Variants in SLC4A3 observed in about 807,000 individuals in gnomAD.
SLC4A3 encodes solute carrier family 4 member 3, also known as anion exchange protein 3.
Under a neutral mutation model 114.2 loss-of-function variants are expected in SLC4A3, and 47 were observed. The observed-to-expected ratio is 0.41, with a 90% CI of 0.33 to 0.52. The LOEUF is 0.52. Ranked by LOEUF, SLC4A3 falls within the 20% of genes least tolerant of loss-of-function variation. The pLI is 0.21. For missense variants in SLC4A3, 1,312 were observed against 1,668.3 expected (o/e 0.79, Z 3.72); for synonymous variants, 693 against 710.3 (o/e 0.98, Z 0.39).
chr2:219,628,599 C>T lies in SLC4A3; in HGVS notation c.217+29C>T, dbSNP rs769553269. The T allele has an allele frequency of 1.9e-6, 3 of 1,606,382 alleles. No individual in the cohort carries two copies. The highest frequency in any genetic ancestry group is 4.5e-5 in the East Asian group (2 of 44,824). ...GGTAGCCTGGGGACCCCTAGTGCGG[C>T]CGCCCTCGCCACCATCACCTTCATC... is the stretch of plus-strand genomic sequence containing the variant. On this transcript the variant is annotated intron_variant, in intron 3 of 22. Transcript: ENST00000358055. This position sits in a 1 kb window ranked among gnomAD's most constrained non-coding sequence, Gnocchi z 4.8.
chr2:219,629,983 G>T, intron 5 of SLC4A3, 170 bp from the exon 6 acceptor site: 1 of 1,351,058 alleles, frequency 7.4e-7, no homozygotes, highest in Non-Finnish European at 1.0e-6. Flanking sequence ...GTGGAGGAAA[G>T]GGGGAGCCAC....
In SLC4A3 at chr2:219,628,375, G is replaced by T; in HGVS notation, c.52-30G>T. On this transcript the variant is annotated intron_variant, in intron 2 of 22. Coordinates refer to ENST00000358055, the MANE Select transcript of SLC4A3 (RefSeq NM_005070.4). This position sits in a 1 kb window ranked among gnomAD's most constrained non-coding sequence, Gnocchi z 4.8. The stretch of plus-strand genomic sequence containing the variant: ...GGTGTGGGGCCTTCATGGGTCAGGG[G>T]TCCTTAGCAGAGGCCGTCTGGGCCT... 1 of 1,586,388 alleles carries T rather than the reference G, an allele frequency of 6.3e-7. No homozygotes were observed.
chr2:219,627,910 T>G lies in SLC4A3; in HGVS notation c.-83T>G, dbSNP rs1176427093. On this transcript the variant is annotated 5_prime_UTR_variant, in exon 2 of 23. Transcript: ENST00000358055. The stretch of plus-strand genomic sequence containing the variant: ...GCCCTCCTCCCCCAGGGCTCCCCGC[T>G]AGGCCCCCTCAGTGGCCCCTCCTTC... The G allele has an allele frequency of 1.1e-5, 13 of 1,140,272 alleles. No individual in the cohort carries two copies. In the African/African-American group the frequency reaches 1.3e-4, roughly 11 times the overall value. 70.6% of individuals were successfully genotyped at this position (1,140,272 alleles called of 1,614,324 possible). A position where few individuals can be genotyped will look rare whatever the true frequency, so the allele number is the denominator to read the frequency against.
In SLC4A3 at chr2:219,639,001, C is replaced by A. The variant is rs1049871190; in HGVS notation, c.3023+132C>A. The A allele has an allele frequency of 2.0e-6, 2 of 999,048 alleles. No homozygotes were observed. Among genetic ancestry groups the A allele is most frequent in the Admixed American group, 2.0e-5 (1 of 49,542 alleles). The allele number at this position is 999,048 out of a possible 1,614,324, so 61.9% of individuals were successfully genotyped here. ...TGGGTGGTGGGAGCTGGTGGCAATC[C>A]TTGAGGAAGAGAGTGTGTGTGGAGG... On this transcript the variant is annotated intron_variant, in intron 19 of 22. Coordinates refer to ENST00000358055, the MANE Select transcript of SLC4A3 (RefSeq NM_005070.4). This position sits in a 1 kb window ranked among gnomAD's most constrained non-coding sequence, Gnocchi z 5.9.
In SLC4A3 at chr2:219,631,841, C is replaced by A; in HGVS notation, c.812-127C>A. ...AATGGCCACATGGGATTATGTGGTTCCCGTCGGCATGGCCTGTTGGTGACT... is the reference window on the plus strand; with the variant it reads ...AATGGCCACATGGGATTATGTGGTTACCGTCGGCATGGCCTGTTGGTGACT... On this transcript the variant is annotated intron_variant, in intron 6 of 22. Transcript: ENST00000358055. This position sits in a 1 kb window ranked among gnomAD's most constrained non-coding sequence, Gnocchi z 6.3. The A allele has an allele frequency of 9.7e-7, 1 of 1,028,932 alleles. No individual in the cohort carries two copies. Among genetic ancestry groups the A allele is most frequent in the Non-Finnish European group, 1.4e-6 (1 of 697,504 alleles). The allele number at this position is 1,028,932 out of a possible 1,614,324, so 63.7% of individuals were successfully genotyped here.
chr2:219,637,645 A>T lies in SLC4A3; in HGVS notation c.2600A>T (p.Asp867Val), dbSNP rs635311. 10 of 1,612,944 alleles carry T rather than the reference A, an allele frequency of 6.2e-6. No individual in the cohort carries two copies. The highest frequency in any genetic ancestry group is 1.6e-4 in the Middle Eastern group (1 of 6,076). Residue 867 changes from aspartate to valine, a missense_variant, in exon 17 of 23, where the codon GAT (aspartate) becomes GTT (valine). Physicochemically the swap from Asp to Val is radical, Grantham distance 152. Transcript: ENST00000358055. The surrounding 1 kb of genome is among the most constrained non-coding windows in gnomAD (Gnocchi z 4.6). ...PPEGALEGSLDAGLEPNGSAL... is the reference protein window; with the variant it reads ...PPEGALEGSLVAGLEPNGSAL... ...GAGGGGGCCCTGGAGGGGTCCCTGG[A>T]TGCTGGTCTGGAGCCAAATGGCAGT...
Position 219,632,158 on chromosome 2 carries a change from C to T in SLC4A3, c.960+42C>T, listed in dbSNP as rs1335770937. 5.0e-6 allele frequency: 8 copies of T among 1,607,312 alleles called. No homozygotes were observed. The East Asian group carries it at 1.1e-4, about 22-fold the overall frequency. ...GGTGGGCCTGTGGCTTCCTCATGCC[C>T]CTCGGCCCCGGAGCCCTCCTCTCTT... On this transcript the variant is annotated intron_variant, in intron 7 of 22. Coordinates refer to ENST00000358055, the MANE Select transcript of SLC4A3 (RefSeq NM_005070.4).
chr2:219,632,112 A>C lies in SLC4A3; in HGVS notation c.956A>C (p.His319Pro). Residue 319 changes from histidine (H) to proline (P), a missense_variant, in exon 7 of 23, where the codon CAT becomes CCT. His to Pro is a moderately conservative substitution (Grantham distance 77). Around this residue, in one of 4 missense-constraint regions of SLC4A3, gnomAD observed 771 missense variants for 977.7 expected, o/e 0.79. Coordinates refer to ENST00000358055, the MANE Select transcript of SLC4A3 (RefSeq NM_005070.4). ...AAGAAAAAGCTGGACCGGAGGCCTC[A>C]TGAGGTCAGGATGCTGACTGGGTGG... The part of the protein sequence containing the change: ...KKKKKLDRRP[H>P]EVFVELNELM... 1 of 1,613,310 alleles carries C rather than the reference A, an allele frequency of 6.2e-7. No individual in the cohort carries two copies. Among genetic ancestry groups the C allele is most frequent in the Non-Finnish European group, 8.5e-7 (1 of 1,179,888 alleles).
At chr2:219,632,737 C>A in intron 8 of SLC4A3, 137 bp from the exon 9 acceptor site, 1 of 1,099,120 alleles carries the variant, frequency 9.1e-7, no homozygotes, top group Non-Finnish European at 1.3e-6. Context: ...CAATATGGAG[C>A]TGTGTATCCA....
chr2:219,640,938 C>T lies in SLC4A3; in HGVS notation c.3597C>T (p.Leu1199=). Residue 1199 remains leucine (L), a synonymous_variant, in exon 22 of 23, where the codon CTC becomes CTT. Coordinates refer to ENST00000358055, the MANE Select transcript of SLC4A3 (RefSeq NM_005070.4). ...TGAGGCATTGCCTTCTGCCCCGGCT[C>T]TTCCAGGACAGGGAGCTGCAGGCGG... ...VPLRHCLLPR[L]FQDRELQALD... The T allele has an allele frequency of 6.2e-7, 1 of 1,607,754 alleles. No individual in the cohort carries two copies. The highest frequency in any genetic ancestry group is 8.5e-7 in the Non-Finnish European group (1 of 1,179,998).
At position 219,628,782 on chromosome 2, in the gene SLC4A3, G is replaced by A; in HGVS notation, c.217+212G>A. On this transcript the variant is annotated intron_variant, in intron 3 of 22. Transcript: ENST00000358055. This position sits in a 1 kb window ranked among gnomAD's most constrained non-coding sequence, Gnocchi z 4.8. ...GCCTGGGGAGGTGGGCCCCAGACCA[G>A]GGGAGATCTAGGGAGCTGGGCCTGG... is the stretch of plus-strand genomic sequence containing the variant. 1.6e-6 allele frequency: 1 copy of A among 631,680 alleles called. No individual in the cohort carries two copies. Among genetic ancestry groups the A allele is most frequent in the South Asian group, 2.1e-5 (1 of 48,174 alleles). 39.1% of individuals were successfully genotyped at this position (631,680 alleles called of 1,614,324 possible).
Position 219,631,597 on chromosome 2 carries a change from G to C in SLC4A3, c.812-371G>C. ...ACGTGGGTGTTGAGATAGGGTGCAC[G>C]GAAAATGTTGGGGGCTCAGTGCCTG... On this transcript the variant is annotated intron_variant, in intron 6 of 22. Transcript: ENST00000358055. The surrounding 1 kb of genome is among the most constrained non-coding windows in gnomAD (Gnocchi z 6.3). 3 of 780,030 alleles carry C rather than the reference G, an allele frequency of 3.8e-6. No homozygotes were observed. The highest frequency in any genetic ancestry group is 1.8e-5 in the South Asian group (1 of 56,370). The allele number at this position is 780,030 out of a possible 1,614,324, so 48.3% of individuals were successfully genotyped here. A position where few individuals can be genotyped will look rare whatever the true frequency, so the allele number is the denominator to read the frequency against.
At chr2:219,629,822 G>C in intron 5 of SLC4A3, 127 bp downstream of exon 5, 1 of 500,696 alleles carries the variant, frequency 2.0e-6, no homozygotes, top group East Asian at 4.6e-5. Flanking sequence ...AGAGGAGCAG[G>C]GTGTGGGAGG....
rs1699315238 is a variant in SLC4A3 at position 219,641,212 on chromosome 2, T to C, written c.3621+250T>C. 6.6e-6 allele frequency among the ~76,000 whole-genome samples: 1 copy of C among 151,974 alleles called. No individual in the cohort carries two copies. Among genetic ancestry groups the C allele is most frequent in the Non-Finnish European group, 1.5e-5 (1 of 68,006 alleles). On this transcript the variant is annotated intron_variant, in intron 22 of 22. Transcript: ENST00000358055. This position sits in a 1 kb window ranked among gnomAD's most constrained non-coding sequence, Gnocchi z 4.0. ...TTAGGATGGTGGTTTTGTAAGGGAG[T>C]TGGCACGGGGCTGCTGCACACAGCT...
chr2:219,641,827 C>A lies in SLC4A3; in HGVS notation c.*99C>A. 1.0e-6 allele frequency: 1 copy of A among 974,666 alleles called. No homozygotes were observed. The highest frequency in any genetic ancestry group is 1.6e-6 in the Non-Finnish European group (1 of 621,762). 60.4% of individuals were successfully genotyped at this position (974,666 alleles called of 1,614,324 possible). Reference sequence around the variant, plus strand: ...CCTGGGCTGGGGGGCTCCTCAGGACCCAGAGATGTGCCTGGAACCACTCCT... The same window carrying A: ...CCTGGGCTGGGGGGCTCCTCAGGACACAGAGATGTGCCTGGAACCACTCCT... On this transcript the variant is annotated 3_prime_UTR_variant, in exon 23 of 23. Coordinates refer to ENST00000358055, the MANE Select transcript of SLC4A3 (RefSeq NM_005070.4). This position sits in a 1 kb window ranked among gnomAD's most constrained non-coding sequence, Gnocchi z 4.0.
At position 219,637,583 on chromosome 2, in the gene SLC4A3, G is replaced by A. The variant is rs775720203; in HGVS notation, c.2538G>A (p.Val846=). The change falls in exon 17 of 23, where the codon GTG becomes GTA. Residue 846 remains valine (V), a splice_region_variant and synonymous_variant. Transcript: ENST00000358055. The surrounding 1 kb of genome is among the most constrained non-coding windows in gnomAD (Gnocchi z 4.6). ...IYETFYKLYK[V]FTEHPLLPFY... ...GCATCCTTGTTATCCACACACAGGTGTTCACAGAGCACCCACTGCTGCCGT... is the reference window on the plus strand; with the variant it reads ...GCATCCTTGTTATCCACACACAGGTATTCACAGAGCACCCACTGCTGCCGT... 5.6e-5 allele frequency: 87 copies of A among 1,564,618 alleles called. No homozygotes were observed. The Admixed American group carries it at 1.5e-3, about 27-fold the overall frequency.
chr2:219,641,928 G>C lies in SLC4A3; in HGVS notation c.*200G>C. The C allele has an allele frequency of 1.8e-6, 1 of 554,968 alleles. No homozygotes were observed. The highest frequency in any genetic ancestry group is 2.9e-5 in the East Asian group (1 of 33,972). 34.4% of individuals were successfully genotyped at this position (554,968 alleles called of 1,614,324 possible). On this transcript the variant is annotated 3_prime_UTR_variant, in exon 23 of 23. Transcript: ENST00000358055. The surrounding 1 kb of genome is among the most constrained non-coding windows in gnomAD (Gnocchi z 4.0). ...CGCCTCACCTTTCACAGACCAGACCGGCACAGGCTTTGAGCTCATTATAAC... is the reference window on the plus strand; with the variant it reads ...CGCCTCACCTTTCACAGACCAGACCCGCACAGGCTTTGAGCTCATTATAAC...
intron 13 of SLC4A3, 69 bp downstream of exon 13, chr2:219,635,565 C>T: frequency 6.7e-7 from 1 of 1,487,364 alleles, no homozygotes; most frequent in Non-Finnish European, 9.2e-7. Context: ...GGCTGTGACC[C>T]CAGCCCCGTC....
At position 219,628,465 on chromosome 2, in the gene SLC4A3, T is replaced by G. The variant is rs1321565179; in HGVS notation, c.112T>G (p.Leu38Val). Reference protein sequence around the residue: ...SPDVEEEDDDLGKTLAVSRFG... With the variant: ...SPDVEEEDDDVGKTLAVSRFG... ...AGACGTGGAGGAGGAGGACGATGAC[T>G]TGGGCAAGACCTTGGCTGTGAGCAG... The change falls in exon 3 of 23, where the codon TTG (leucine) becomes GTG (valine). Residue 38 changes from leucine (L) to valine (V), a missense_variant. Around this residue, in one of 4 missense-constraint regions of SLC4A3, gnomAD observed 236 missense variants for 212.1 expected, o/e 1.11. Transcript: ENST00000358055. The surrounding 1 kb of genome is among the most constrained non-coding windows in gnomAD (Gnocchi z 4.8). 2 of 1,613,650 alleles carry G rather than the reference T, an allele frequency of 1.2e-6. No individual in the cohort carries two copies. Among genetic ancestry groups the G allele is most frequent in the Non-Finnish European group, 1.7e-6 (2 of 1,179,866 alleles).
Sources: allele counts gnomAD v4.1 joint callset (sites outside exome capture counted in the v4.1 genomes callset), GRCh38; gene constraint gnomAD v4.1.1; regional missense constraint gnomAD v4.1.1; non-coding constraint Gnocchi (gnomAD v3.1); transcripts MANE v1.5; gene names NCBI Gene and HGNC (gene_info 2026-07-23, HGNC 2026-07-21).